Variants in NT5DC1 observed in about 807,000 individuals in gnomAD.
NT5DC1 encodes the protein 5'-nucleotidase domain-containing protein 1.
A neutral mutation model predicts 59.4 loss-of-function variants in NT5DC1; 42 were observed. That is an observed-to-expected ratio of 0.71 (90% CI 0.55 to 0.92). NT5DC1 has a LOEUF of 0.92. Among genes scored for constraint, NT5DC1 ranks in the 40% least tolerant of loss-of-function variants. The probability of loss-of-function intolerance (pLI) is 0.00; values close to 1 mark genes in which losing one functional copy is unlikely to be tolerated. For missense variants in NT5DC1, 501 were observed against 537.1 expected (o/e 0.93, Z 0.66); for synonymous variants, 172 against 188.1 (o/e 0.91, Z 0.70).
At chr6:116,113,466 C>G (rs1778915697) in intron 4 of NT5DC1, among the ~76,000 whole-genome samples, 1 of 152,176 alleles carries the variant, frequency 6.6e-6, no homozygotes, top group Admixed American at 6.5e-5. Flanking sequence ...GCTCACTAAT[C>G]ACTTCATTAG....
intron 1 of NT5DC1, 145 bp downstream of exon 1, chr6:116,101,168 A>G (rs1761126016): frequency 3.3e-6 from 2 of 603,982 alleles, no homozygotes; most frequent in South Asian, 4.2e-5. Flanking sequence ...TCCAGCGGCG[A>G]GAAGGGGCGG....
At chr6:116,176,574 AAC>A (rs1213133164) in intron 6 of NT5DC1, among the ~76,000 whole-genome samples, 1 of 152,222 alleles carries the variant, frequency 6.6e-6, no homozygotes, top group Non-Finnish European at 1.5e-5. Context: ...AAAGATATCA[AAC>A]ACAGTACCAT....
chr6:116,161,784 G>A (rs12525805), intron 6 of NT5DC1, among the ~76,000 whole-genome samples: 77,421 of 151,688 alleles, frequency 0.51, 20,817 homozygotes, highest in African/African-American at 0.69. Flanking sequence ...GTAATTTGAT[G>A]GGAAGTTGCA....
At chr6:116,121,604 C>T (rs758634184) in intron 6 of NT5DC1, 3 of 1,614,048 alleles carry the variant, frequency 1.9e-6, no homozygotes, top group East Asian at 4.5e-5. Flanking sequence ...TCCAGGAAAG[C>T]CCCTGGGTCC....
At chr6:116,165,746 G>A (rs1193799422) in intron 6 of NT5DC1, among the ~76,000 whole-genome samples, 1 of 152,214 alleles carries the variant, frequency 6.6e-6, no homozygotes, top group Non-Finnish European at 1.5e-5. Context: ...TCTAGGGGCA[G>A]CCTGTGCTTA....
intron 6 of NT5DC1, among the ~76,000 whole-genome samples, chr6:116,129,022 C>A (rs949329353): frequency 3.3e-5 from 5 of 152,170 alleles, no homozygotes; most frequent in Non-Finnish European, 5.9e-5. Flanking sequence ...TCACTCAATT[C>A]TCTTTTCATT....
At chr6:116,167,729 A>C (rs200103488) in intron 6 of NT5DC1, among the ~76,000 whole-genome samples, 1 of 152,164 alleles carries the variant, frequency 6.6e-6, no homozygotes, top group East Asian at 1.9e-4. Context: ...TTCCTAGAAA[A>C]GTCAATGCCC....
intron 3 of NT5DC1, 146 bp from the exon 4 acceptor site, chr6:116,110,704 A>T (rs770936266): frequency 1.4e-6 from 1 of 714,006 alleles, no homozygotes; most frequent in Non-Finnish European, 2.5e-6. Context: ...ACAGAATCCT[A>T]AACAGGGAGG....
chr6:116,180,437 A>C (rs976939235), intron 6 of NT5DC1, among the ~76,000 whole-genome samples: 3 of 152,100 alleles, frequency 2.0e-5, no homozygotes, highest in African/African-American at 7.2e-5. Flanking sequence ...TCCCTAATGA[A>C]ATAATGGACC....
intron 6 of NT5DC1, among the ~76,000 whole-genome samples, chr6:116,168,352 CTT>C (rs1780524752): frequency 6.6e-6 from 1 of 151,912 alleles, no homozygotes; most frequent in Non-Finnish European, 1.5e-5. Flanking sequence ...CTAATTCTCT[CTT>C]CAGTTGCGTC....
chr6:116,129,284 T>C (rs937920227), intron 6 of NT5DC1, among the ~76,000 whole-genome samples: 4 of 152,194 alleles, frequency 2.6e-5, no homozygotes, highest in African/African-American at 9.6e-5. Flanking sequence ...TATCCACATA[T>C]ATTTTTTATT....
chr6:116,162,499 T>G (rs888997140), intron 6 of NT5DC1, among the ~76,000 whole-genome samples: 1 of 152,248 alleles, frequency 6.6e-6, no homozygotes, highest in African/African-American at 2.4e-5. Context: ...ATGTTGGATT[T>G]TATTGCATGT....
intron 5 of NT5DC1, 126 bp from the exon 6 acceptor site, chr6:116,117,735 T>A: frequency 1.7e-6 from 1 of 604,332 alleles, no homozygotes; most frequent in East Asian, 2.8e-5. Context: ...CATTATAAAA[T>A]AAAAAAATTG....
intron 6 of NT5DC1, chr6:116,145,447 TG>T: frequency 5.2e-6 from 2 of 387,720 alleles, no homozygotes; most frequent in South Asian, 2.0e-5. Flanking sequence ...GTAAGAAGAT[TG>T]GCCACATCCT....
intron 6 of NT5DC1, among the ~76,000 whole-genome samples, chr6:116,141,168 G>A (rs1301695317): frequency 6.6e-6 from 1 of 151,978 alleles, no homozygotes; most frequent in African/African-American, 2.4e-5. Context: ...ATACTGATTC[G>A]AATGATGGTG....
At chr6:116,211,064 G>T (rs946590031) in intron 6 of NT5DC1, among the ~76,000 whole-genome samples, 8 of 152,034 alleles carry the variant, frequency 5.3e-5, no homozygotes, top group African/African-American at 1.9e-4. Flanking sequence ...GAGCCTTGCA[G>T]CTTTTGCTTG....
intron 6 of NT5DC1, among the ~76,000 whole-genome samples, chr6:116,164,847 G>A (rs916298418): frequency 6.6e-6 from 1 of 152,020 alleles, no homozygotes; most frequent in Non-Finnish European, 1.5e-5. Flanking sequence ...GCTTTGGGAG[G>A]CCGAGGCAGG....
At chr6:116,163,646 T>C (rs757307165) in intron 6 of NT5DC1, among the ~76,000 whole-genome samples, 48 of 152,182 alleles carry the variant, frequency 3.2e-4, no homozygotes, top group Non-Finnish European at 5.9e-4. Flanking sequence ...TTTATTTCTT[T>C]ACTTCTGCTA....
chr6:116,247,828 G>C lies in NT5DC1; in HGVS notation c.*3804G>C, dbSNP rs2114572330. ...TTAAAAAATAAATATTCTCTTAACAGAAATGTCAGCGGTTACTTACAATGC... is the reference window on the plus strand; with the variant it reads ...TTAAAAAATAAATATTCTCTTAACACAAATGTCAGCGGTTACTTACAATGC... On this transcript the variant is annotated 3_prime_UTR_variant, in exon 12 of 12. Coordinates refer to ENST00000319550, the MANE Select transcript of NT5DC1 (RefSeq NM_152729.3). 1.3e-5 allele frequency: 2 copies of C among 152,210 alleles called. No homozygotes were observed. The highest frequency in any genetic ancestry group is 1.3e-4 in the Admixed American group (2 of 15,282). 9.4% of individuals were successfully genotyped at this position (152,210 alleles called of 1,614,324 possible). A position where few individuals can be genotyped will look rare whatever the true frequency, so the allele number is the denominator to read the frequency against.
Sources: gnomAD v4.1 joint callset for allele counts (sites outside exome capture counted in the v4.1 genomes callset) on GRCh38, gnomAD v4.1.1 for gene constraint, MANE v1.5 for transcripts, NCBI Gene and HGNC (gene_info 2026-07-23, HGNC 2026-07-21) for gene names.